The following FAF1 variants were observed in gnomAD, a reference collection of about 807,000 sequenced individuals.
FAF1 encodes the protein Fas associated factor 1.
Under a neutral mutation model 92.5 loss-of-function variants are expected in FAF1, and 25 were observed. The observed-to-expected ratio is 0.27, with a 90% confidence interval of 0.20 to 0.38. The LOEUF is 0.38. FAF1 is among the 10% of genes least tolerant of loss of function. FAF1 has a pLI of 1.00. For synonymous variants in FAF1, 234 were observed against 273.2 expected (o/e 0.86, Z 1.42); for missense variants, 636 against 793.3 (o/e 0.80, Z 2.38).
chr1:50,630,067 A>G (rs1337881139), intron 8 of FAF1, among the ~76,000 whole-genome samples: 2 of 151,406 alleles, frequency 1.3e-5, no homozygotes, highest in African/African-American at 2.4e-5. Context: ...AAAAAAAAAA[A>G]CATATCGACG....
intron 8 of FAF1, among the ~76,000 whole-genome samples, chr1:50,636,003 G>A (rs1305038574): frequency 6.6e-6 from 1 of 152,142 alleles, no homozygotes; most frequent in East Asian, 1.9e-4. Context: ...GAACTGTTCT[G>A]AGAAGCAAGG....
chr1:50,855,301 A>G (rs1485518608), intron 2 of FAF1, among the ~76,000 whole-genome samples: 4 of 151,774 alleles, frequency 2.6e-5, no homozygotes, highest in Non-Finnish European at 5.9e-5. Flanking sequence ...CACTGTAAGC[A>G]CTCAGTGCTC....
intron 1 of FAF1, among the ~76,000 whole-genome samples, chr1:50,936,306 G>C (rs1429670014): frequency 6.6e-6 from 1 of 152,210 alleles, no homozygotes; most frequent in Non-Finnish European, 1.5e-5. Flanking sequence ...ATATAGGAAT[G>C]AGAAATACAT....
chr1:50,742,269 G>A (rs1659417803), intron 5 of FAF1, among the ~76,000 whole-genome samples: 1 of 151,900 alleles, frequency 6.6e-6, no homozygotes, highest in African/African-American at 2.4e-5. Context: ...AGCCATGATT[G>A]TACCGCTGCA....
chr1:50,712,748 C>T (rs1657991161), intron 6 of FAF1, among the ~76,000 whole-genome samples: 1 of 152,168 alleles, frequency 6.6e-6, no homozygotes, highest in Non-Finnish European at 1.5e-5. Context: ...GCTTCTAAAG[C>T]TAACTATGTG....
intron 1 of FAF1, among the ~76,000 whole-genome samples, chr1:50,922,471 A>AG (rs1259965347): frequency 1.4e-5 from 2 of 147,754 alleles, no homozygotes; most frequent in East Asian, 4.0e-4. Context: ...AAAAAAAAAA[A>AG]AAAAAAAAAA....
At position 50,533,401 on chromosome 1, in the gene FAF1, T is replaced by A. The variant is rs192945577; in HGVS notation, c.1494+1968A>T. On this transcript the variant is annotated intron_variant, in intron 15 of 18. Coordinates refer to ENST00000396153, the MANE Select transcript of FAF1 (RefSeq NM_007051.3). ...CAGGTTTTATATCATTGTAACCAAATTTTTTTTTCAAGTTACTTTATTTTA... is the reference window on the plus strand; with the variant it reads ...CAGGTTTTATATCATTGTAACCAAAATTTTTTTTCAAGTTACTTTATTTTA... Among the ~76,000 whole-genome samples, 30 of 151,906 alleles carry A rather than the reference T, an allele frequency of 2.0e-4. No individual in the cohort carries two copies. In the South Asian group the frequency reaches 4.6e-3, roughly 23 times the overall value.
chr1:50,812,316 T>A (rs1643923488), intron 2 of FAF1, among the ~76,000 whole-genome samples: 1 of 152,120 alleles, frequency 6.6e-6, no homozygotes, highest in Non-Finnish European at 1.5e-5. Flanking sequence ...TGGGAGAAGA[T>A]ATACGTATCC....
At chr1:50,867,568 A>T (rs1644492199) in intron 1 of FAF1, among the ~76,000 whole-genome samples, 1 of 152,176 alleles carries the variant, frequency 6.6e-6, no homozygotes, top group South Asian at 2.1e-4. Flanking sequence ...ATGGCAAAAA[A>T]AAATGAAAAA....
intron 7 of FAF1, among the ~76,000 whole-genome samples, chr1:50,702,800 C>G (rs1262582617): frequency 6.6e-6 from 1 of 152,022 alleles, no homozygotes; most frequent in African/African-American, 2.4e-5. Context: ...TTGCAATGAC[C>G]ATATGGTCAT....
intron 8 of FAF1, among the ~76,000 whole-genome samples, chr1:50,655,039 C>T (rs969000140): frequency 4.0e-5 from 6 of 150,100 alleles, no homozygotes; most frequent in Admixed American, 2.7e-4. Flanking sequence ...GGCGCAATCT[C>T]GGCTCACTGC....
intron 7 of FAF1, among the ~76,000 whole-genome samples, chr1:50,681,960 G>T (rs892334447): frequency 6.6e-6 from 1 of 151,518 alleles, no homozygotes; most frequent in Non-Finnish European, 1.5e-5. Flanking sequence ...CAGCCCCCTG[G>T]GTAGCTGGGA....
intron 15 of FAF1, among the ~76,000 whole-genome samples, chr1:50,527,479 T>C (rs1325943967): frequency 6.6e-6 from 1 of 152,182 alleles, no homozygotes; most frequent in African/African-American, 2.4e-5. Flanking sequence ...TTTGAAGTAG[T>C]TAGTCAACAG....
At chr1:50,928,967 G>A (rs1398809812) in intron 1 of FAF1, among the ~76,000 whole-genome samples, 5 of 150,882 alleles carry the variant, frequency 3.3e-5, no homozygotes, top group Middle Eastern at 3.4e-3. Flanking sequence ...CATCTGTGGT[G>A]CCAGCTGCAT....
At chr1:50,740,844 C>T (rs549714147) in intron 5 of FAF1, among the ~76,000 whole-genome samples, 1 of 152,272 alleles carries the variant, frequency 6.6e-6, no homozygotes, top group African/African-American at 2.4e-5. Context: ...AACACACACA[C>T]ACACACACAA....
chr1:50,895,644 C>T (rs1358712627), intron 1 of FAF1, among the ~76,000 whole-genome samples: 2 of 152,178 alleles, frequency 1.3e-5, no homozygotes, highest in East Asian at 3.9e-4. Context: ...AAATCCTTAA[C>T]AAAATACTAA....
At chr1:50,790,373 C>T (rs1661518547) in intron 3 of FAF1, among the ~76,000 whole-genome samples, 1 of 152,110 alleles carries the variant, frequency 6.6e-6, no homozygotes, top group Non-Finnish European at 1.5e-5. Flanking sequence ...AACTCCTGAC[C>T]TCATGATCCG....
chr1:50,751,964 G>A (rs1162898548), intron 4 of FAF1, among the ~76,000 whole-genome samples: 1 of 152,038 alleles, frequency 6.6e-6, no homozygotes, highest in Non-Finnish European at 1.5e-5. Flanking sequence ...TTGTGGGAAG[G>A]TTTTGTTTTT....
chr1:50,870,931 G>GT (rs886500026), intron 1 of FAF1, among the ~76,000 whole-genome samples: 1 of 152,118 alleles, frequency 6.6e-6, no homozygotes, highest in African/African-American at 2.4e-5. Context: ...TTAAAGCAAG[G>GT]TTTTTTTGCA....
Sources: allele counts gnomAD v4.1 joint callset (sites outside exome capture counted in the v4.1 genomes callset), GRCh38; gene constraint gnomAD v4.1.1; transcripts MANE v1.5; gene names NCBI Gene and HGNC (gene_info 2026-07-23, HGNC 2026-07-21).